The following ATP6V1C1 variants were observed in gnomAD, a reference collection of about 807,000 sequenced individuals.
The protein encoded by ATP6V1C1 is V-type proton ATPase subunit C 1.
Under a neutral mutation model 53.9 loss-of-function variants are expected in ATP6V1C1, and 45 were observed. The observed-to-expected ratio is 0.83, with a 90% CI of 0.66 to 1.07. The LOEUF (loss-of-function observed/expected upper bound fraction) is 1.07. Ranked by LOEUF, ATP6V1C1 falls within the 50% of genes least tolerant of loss-of-function variation. ATP6V1C1 has a pLI of 0.00. For missense variants in ATP6V1C1, 315 were observed against 440.3 expected (o/e 0.72, Z 2.55); for synonymous variants, 153 against 155.2 (o/e 0.99, Z 0.11).
intron 9 of ATP6V1C1, 37 bp from the exon 10 acceptor site, chr8:103,063,093 TATACA>T (rs763574460): frequency 3.1e-6 from 5 of 1,609,710 alleles, no homozygotes; most frequent in Non-Finnish European, 4.3e-6. Flanking sequence ...AGATCAGCTG[TATACA>T]ATGTGAACAA....
At chr8:103,045,520 A>G (rs1467532156) in intron 3 of ATP6V1C1, among the ~76,000 whole-genome samples, 1 of 152,238 alleles carries the variant, frequency 6.6e-6, no homozygotes, top group Admixed American at 6.5e-5. Context: ...TTATAATTCC[A>G]TATATTCATA....
At chr8:103,028,982 A>AT (rs1372838889) in intron 1 of ATP6V1C1, among the ~76,000 whole-genome samples, 1 of 152,098 alleles carries the variant, frequency 6.6e-6, no homozygotes, top group Non-Finnish European at 1.5e-5. Flanking sequence ...GCGGTGGGAC[A>AT]TTTTTTTGTT....
chr8:103,066,284 G>C, intron 11 of ATP6V1C1, 37 bp from the exon 12 acceptor site: 2 of 1,573,372 alleles, frequency 1.3e-6, no homozygotes, highest in Non-Finnish European at 1.7e-6. Context: ...TTACATGTTT[G>C]CTTGTATTGC....
intron 10 of ATP6V1C1, among the ~76,000 whole-genome samples, chr8:103,063,870 A>T (rs1182658305): frequency 6.6e-6 from 1 of 152,228 alleles, no homozygotes; most frequent in African/African-American, 2.4e-5. Context: ...GAGGAAATTA[A>T]GGGAAATATT....
chr8:103,068,367 G>A (rs2131407299), intron 12 of ATP6V1C1, among the ~76,000 whole-genome samples: 1 of 152,326 alleles, frequency 6.6e-6, no homozygotes, highest in Non-Finnish European at 1.5e-5. Flanking sequence ...AATTTTTACA[G>A]TATACATAAA....
At chr8:103,057,140 G>GGA (rs1563608319) in intron 8 of ATP6V1C1, among the ~76,000 whole-genome samples, 1 of 152,218 alleles carries the variant, frequency 6.6e-6, no homozygotes, top group African/African-American at 2.4e-5. Flanking sequence ...CCACAGTGTA[G>GGA]GAGCAGACCT....
At chr8:103,039,568 A>G (rs927031050) in intron 1 of ATP6V1C1, among the ~76,000 whole-genome samples, 1 of 152,218 alleles carries the variant, frequency 6.6e-6, no homozygotes, top group Admixed American at 6.5e-5. Flanking sequence ...TTAAATAAGC[A>G]GTGTTAGCAG....
chr8:103,048,865 C>A lies in ATP6V1C1; in HGVS notation c.201-5C>A. Reference sequence around the variant, plus strand: ...GAATGGTTGTTGATATTTTTTCTTCCCCAGAGTGGTTAAGAAAGTAGCTCA... The same window carrying A: ...GAATGGTTGTTGATATTTTTTCTTCACCAGAGTGGTTAAGAAAGTAGCTCA... On this transcript the variant is annotated splice_region_variant and splice_polypyrimidine_tract_variant and intron_variant, in intron 3 of 12. Coordinates refer to ENST00000518738, the MANE Select transcript of ATP6V1C1 (RefSeq NM_001695.5). 2.5e-6 allele frequency: 4 copies of A among 1,608,900 alleles called. No individual in the cohort carries two copies. Among genetic ancestry groups the A allele is most frequent in the Non-Finnish European group, 3.4e-6 (4 of 1,176,976 alleles).
chr8:103,053,648 A>G (rs758828590), intron 6 of ATP6V1C1, among the ~76,000 whole-genome samples: 13 of 152,044 alleles, frequency 8.6e-5, no homozygotes, highest in Non-Finnish European at 1.8e-4. Context: ...CTGAGTTATA[A>G]TAATTAAAGC....
intron 1 of ATP6V1C1, among the ~76,000 whole-genome samples, chr8:103,027,943 T>G (rs988020518): frequency 1.3e-5 from 2 of 152,170 alleles, no homozygotes; most frequent in African/African-American, 2.4e-5. Context: ...TTTTGTTTGT[T>G]TTGTTTCTCA....
At chr8:103,059,328 C>G (rs113365629) in intron 8 of ATP6V1C1, among the ~76,000 whole-genome samples, 4 of 152,292 alleles carry the variant, frequency 2.6e-5, no homozygotes, top group African/African-American at 7.2e-5. Context: ...AGCCTTCCCC[C>G]CAACCACATA....
At chr8:103,051,292 G>A in intron 5 of ATP6V1C1, 148 bp downstream of exon 5, 1 of 606,994 alleles carries the variant, frequency 1.6e-6, no homozygotes, top group Non-Finnish European at 2.8e-6. Flanking sequence ...GACATTAAAA[G>A]ATGTTAAAAA....
At chr8:103,049,864 G>T (rs930632125) in intron 4 of ATP6V1C1, among the ~76,000 whole-genome samples, 6 of 152,112 alleles carry the variant, frequency 3.9e-5, no homozygotes, top group African/African-American at 9.7e-5. Flanking sequence ...GGCTGAGGAG[G>T]GGGGATTGCT....
rs544741698 is a variant in ATP6V1C1, at chr8:103,026,244, C to G, written c.-40+5019C>G. ...AACATTGTATTATGTATTACATCCC[C>G]AGCCCCCACTCCACAATGTCACAGT... On this transcript the variant is annotated intron_variant, in intron 1 of 12. Transcript: ENST00000518738. Among the ~76,000 whole-genome samples, 3 of 152,346 alleles carry G rather than the reference C, an allele frequency of 2.0e-5. No individual in the cohort carries two copies. The South Asian group carries it at 6.2e-4, about 32-fold the overall frequency.
chr8:103,041,782 GAATCGCT>G (rs919075645), intron 2 of ATP6V1C1, among the ~76,000 whole-genome samples: 1 of 152,110 alleles, frequency 6.6e-6, no homozygotes, highest in African/African-American at 2.4e-5. Flanking sequence ...TGAGGCAAGA[GAATCGCT>G]TGAATCTAGG....
At chr8:103,066,192 TGTAAA>T (rs1230162092) in intron 11 of ATP6V1C1, 124 bp from the exon 12 acceptor site, 4 of 1,146,872 alleles carry the variant, frequency 3.5e-6, no homozygotes, top group Non-Finnish European at 3.5e-6. Context: ...TAGTTGAACT[TGTAAA>T]GGTAAAGGGA....
chr8:103,059,978 T>C (rs531926666), intron 8 of ATP6V1C1, among the ~76,000 whole-genome samples: 7 of 150,264 alleles, frequency 4.7e-5, no homozygotes, highest in Admixed American at 2.0e-4. Context: ...TTCTTTCTTT[T>C]TTTTTTTTTT....
At chr8:103,068,520 C>T (rs1412039587) in intron 12 of ATP6V1C1, 132 bp from the exon 13 acceptor site, 1 of 550,988 alleles carries the variant, frequency 1.8e-6, no homozygotes, top group Non-Finnish European at 3.0e-6. Context: ...ATGTCTAACT[C>T]AGATAAATTA....
intron 1 of ATP6V1C1, among the ~76,000 whole-genome samples, chr8:103,040,519 G>A (rs1816979807): frequency 6.6e-6 from 1 of 152,006 alleles, no homozygotes; most frequent in Admixed American, 6.6e-5. Flanking sequence ...CTCACTTCTT[G>A]GCTAACTCCC....
Sources: gnomAD v4.1 joint callset for allele counts (sites outside exome capture counted in the v4.1 genomes callset) on GRCh38, gnomAD v4.1.1 for gene constraint, MANE v1.5 for transcripts, NCBI Gene and HGNC (gene_info 2026-07-23, HGNC 2026-07-21) for gene names.